Variants in COLEC12 observed in about 807,000 individuals in gnomAD.
COLEC12 encodes collectin subfamily member 12.
In COLEC12, 33 loss-of-function variants were observed where a neutral mutation model predicts 71.1. The ratio of observed to expected loss-of-function variants is 0.46; its 90% CI spans 0.35 to 0.62. COLEC12 has a LOEUF of 0.62. Among genes scored for constraint, COLEC12 ranks in the 20% least tolerant of loss-of-function variants. The probability of loss-of-function intolerance (pLI) is 0.00; values close to 1 mark genes in which losing one functional copy is unlikely to be tolerated. For synonymous variants in COLEC12, 350 were observed against 353.0 expected (o/e 0.99, Z 0.10); for missense variants, 765 against 916.1 (o/e 0.84, Z 2.13).
At chr18:372,821 C>A (rs116464211) in intron 2 of COLEC12, among the ~76,000 whole-genome samples, 75 of 152,314 alleles carry the variant, frequency 4.9e-4, no homozygotes, top group African/African-American at 1.7e-3. Context: ...GGACATTTAA[C>A]GCTGTGACAC....
At chr18:489,682 GA>G (rs1389285998) in intron 1 of COLEC12, among the ~76,000 whole-genome samples, 2 of 152,136 alleles carry the variant, frequency 1.3e-5, no homozygotes, top group Non-Finnish European at 2.9e-5. Context: ...AGCTATGCAA[GA>G]AACATGACTC....
intron 3 of COLEC12, among the ~76,000 whole-genome samples, chr18:350,953 C>A (rs1232540803): frequency 7.4e-6 from 1 of 135,160 alleles, no homozygotes; most frequent in African/African-American, 2.9e-5. Context: ...GAGCGAGACT[C>A]TGTCTCAAAA....
At chr18:413,568 G>A (rs1227150885) in intron 2 of COLEC12, among the ~76,000 whole-genome samples, 4 of 152,158 alleles carry the variant, frequency 2.6e-5, no homozygotes, top group Non-Finnish European at 4.4e-5. Flanking sequence ...ACAGTGCTAC[G>A]ATCCCAGCAC....
rs56024245 is a variant in COLEC12 at position 442,002 on chromosome 18, T to TACACACACACACACACACACAC, written c.58+38683_58+38704dup. Among the ~76,000 whole-genome samples the TACACACACACACACACACACAC allele has an allele frequency of 8.3e-5, 10 of 120,806 alleles. 1 individual carries two copies. Among genetic ancestry groups the TACACACACACACACACACACAC allele is most frequent in the African/African-American group, 3.9e-4 (10 of 25,726 alleles). The allele number at this position is 120,806 out of a possible 152,430, so 79.3% of individuals were successfully genotyped here. ...GTGACAGAGTGAGACTCTCTCTCTCTACACACACACACACACACACACACA... is the reference window on the plus strand; with the variant it reads ...GTGACAGAGTGAGACTCTCTCTCTCTACACACACACACACACACACACACACACACACACACACACACACACA... On this transcript the variant is annotated intron_variant, in intron 2 of 9. Coordinates refer to ENST00000400256, the MANE Select transcript of COLEC12 (RefSeq NM_130386.3).
In COLEC12 at chr18:408,222, G is replaced by A. The variant is rs181042542; in HGVS notation, c.59-50700C>T. On this transcript the variant is annotated intron_variant, in intron 2 of 9. Coordinates refer to ENST00000400256, the MANE Select transcript of COLEC12 (RefSeq NM_130386.3). This position sits in a 1 kb window ranked among gnomAD's most constrained non-coding sequence, Gnocchi z 4.3. ...CAAGTTATTTAACCCTAAACTCCAG[G>A]TTCCTAATTGGGAAACTAGGTACAA... 2.2e-3 allele frequency among the ~76,000 whole-genome samples: 340 copies of A among 152,264 alleles called. 5 individuals carry two copies. Among genetic ancestry groups the A allele is most frequent in the Non-Finnish European group, 7.4e-4 (50 of 68,016 alleles).
At chr18:395,824 T>C (rs893496560) in intron 2 of COLEC12, among the ~76,000 whole-genome samples, 6 of 152,150 alleles carry the variant, frequency 3.9e-5, no homozygotes, top group African/African-American at 1.2e-4. Context: ...CAATCCCCAA[T>C]TCCCCCCATC....
chr18:343,487 C>T (rs954410098), intron 5 of COLEC12, among the ~76,000 whole-genome samples: 6 of 152,052 alleles, frequency 3.9e-5, no homozygotes, highest in Non-Finnish European at 7.4e-5. Context: ...TCCGTGCTCT[C>T]GGTGACCCCT....
intron 2 of COLEC12, among the ~76,000 whole-genome samples, chr18:444,184 G>A (rs1916601665): frequency 1.3e-5 from 2 of 152,282 alleles, no homozygotes; most frequent in African/African-American, 4.8e-5. Flanking sequence ...ACAAGTATGA[G>A]CAAGTATCCT....
intron 3 of COLEC12, among the ~76,000 whole-genome samples, chr18:354,792 A>G (rs1311566219): frequency 6.6e-6 from 1 of 152,172 alleles, no homozygotes; most frequent in Non-Finnish European, 1.5e-5. Flanking sequence ...GGAGGGGGGC[A>G]CTGAAGGAAA....
At chr18:409,447 T>C (rs1272738908) in intron 2 of COLEC12, among the ~76,000 whole-genome samples, 1 of 152,056 alleles carries the variant, frequency 6.6e-6, no homozygotes, top group Non-Finnish European at 1.5e-5. Flanking sequence ...GGCAGGAGAA[T>C]CCACGAGGTG....
chr18:386,190 T>G (rs547505179), intron 2 of COLEC12, among the ~76,000 whole-genome samples: 1 of 152,308 alleles, frequency 6.6e-6, no homozygotes, highest in East Asian at 1.9e-4. Flanking sequence ...AGCTACAAAC[T>G]TCCCTTAGAT....
chr18:423,427 T>C (rs1348090047), intron 2 of COLEC12, among the ~76,000 whole-genome samples: 2 of 152,142 alleles, frequency 1.3e-5, no homozygotes, highest in Non-Finnish European at 2.9e-5. Context: ...AATAAAATTC[T>C]TCTTCTTCTT....
At chr18:370,497 G>A (rs571784097) in intron 2 of COLEC12, among the ~76,000 whole-genome samples, 1 of 152,066 alleles carries the variant, frequency 6.6e-6, no homozygotes, top group African/African-American at 2.4e-5. Flanking sequence ...TATGGAATTT[G>A]GAATTAGTAC....
chr18:403,064 G>A (rs768430130), intron 2 of COLEC12, among the ~76,000 whole-genome samples: 17 of 152,286 alleles, frequency 1.1e-4, no homozygotes, highest in African/African-American at 1.4e-4. Context: ...TATGGCCAGC[G>A]TATTAAGGAT....
intron 2 of COLEC12, among the ~76,000 whole-genome samples, chr18:383,561 C>A (rs1915279710): frequency 6.6e-6 from 1 of 152,110 alleles, no homozygotes; most frequent in African/African-American, 2.4e-5. Context: ...AAACAAAAAT[C>A]AAGATAAAAA....
intron 5 of COLEC12, among the ~76,000 whole-genome samples, chr18:337,652 C>A (rs1914148547): frequency 6.6e-6 from 1 of 152,160 alleles, no homozygotes; most frequent in African/African-American, 2.4e-5. Flanking sequence ...ATGTCACTGA[C>A]CTCTGCCCAC....
intron 5 of COLEC12, among the ~76,000 whole-genome samples, chr18:342,274 T>C (rs1914271804): frequency 6.6e-6 from 1 of 152,224 alleles, no homozygotes; most frequent in Non-Finnish European, 1.5e-5. Context: ...GTCAGGCTGG[T>C]TGCAAACTCC....
At chr18:377,060 G>GT (rs1915130029) in intron 2 of COLEC12, among the ~76,000 whole-genome samples, 1 of 152,228 alleles carries the variant, frequency 6.6e-6, no homozygotes, top group South Asian at 2.1e-4. Flanking sequence ...CCCTGCACGT[G>GT]TCATTGCTCT....
Position 335,170 on chromosome 18 carries a change from G to A in COLEC12, c.1388C>T (p.Thr463Ile). The change falls in exon 6 of 10, where the codon ACT becomes ATT. Residue 463 changes from threonine to isoleucine, a missense_variant. Physicochemically the swap from Thr to Ile is moderately conservative, Grantham distance 89. Transcript: ENST00000400256. ...DRGSQGPPGP[T>I]GNKGQKGEKG... ...CTCTCCTTTCTGTCCCTTGTTGCCA[G>A]TTGGGCCAGGGGGTCCCTGGGATCC... 1.2e-6 allele frequency: 2 copies of A among 1,612,530 alleles called. No homozygotes were observed. Among genetic ancestry groups the A allele is most frequent in the South Asian group, 2.2e-5 (2 of 90,990 alleles).
Sources: gnomAD v4.1 joint callset for allele counts (sites outside exome capture counted in the v4.1 genomes callset) on GRCh38, gnomAD v4.1.1 for gene constraint, Gnocchi (gnomAD v3.1) non-coding constraint, MANE v1.5 for transcripts, NCBI Gene and HGNC (gene_info 2026-07-23, HGNC 2026-07-21) for gene names.